Variants in FAM178B observed in about 807,000 individuals in gnomAD.
FAM178B encodes the protein protein FAM178B.
A neutral mutation model predicts 91.7 loss-of-function variants in FAM178B; 82 were observed. That is an observed-to-expected ratio of 0.89 (90% CI 0.75 to 1.07). The LOEUF (loss-of-function observed/expected upper bound fraction) is 1.07, where lower values mean the gene tolerates loss of function less well. Ranked by LOEUF, FAM178B falls within the 50% of genes least tolerant of loss-of-function variation. The pLI is 0.00. For synonymous variants in FAM178B, 368 were observed against 359.4 expected, an observed-to-expected ratio of 1.02 and a Z score of -0.27; for missense variants, 769 against 846.7, an observed-to-expected ratio of 0.91 and a Z score of 1.14.
At chr2:96,963,296 T>C (rs899421591) in intron 5 of FAM178B, among the ~76,000 whole-genome samples, 1 of 152,196 alleles carries the variant, frequency 6.6e-6, no homozygotes, top group Admixed American at 6.5e-5. Context: ...AGCTAGTGAG[T>C]GGAGAACCTG....
intron 1 of FAM178B, among the ~76,000 whole-genome samples, chr2:96,973,843 T>C (rs2082255329): frequency 6.6e-6 from 1 of 150,550 alleles, no homozygotes; most frequent in Non-Finnish European, 1.5e-5. Context: ...CTACTAAAAA[T>C]ACAAAAAAAA....
At chr2:96,974,468 A>G (rs1327823019) in intron 1 of FAM178B, among the ~76,000 whole-genome samples, 1 of 151,866 alleles carries the variant, frequency 6.6e-6, no homozygotes, top group East Asian at 1.9e-4. Context: ...GCATTAATGG[A>G]AGAAAAAGAA....
rs1009989936 is a variant in FAM178B at position 96,926,710 on chromosome 2, G to A, written c.1193+2496C>T. ...CAGGAGATCTGCATGGCCCAGCTGC[G>A]GAAGGACTGCATCTTTCTGAAAGGA... is the stretch of plus-strand genomic sequence containing the variant. On this transcript the variant is annotated intron_variant, in intron 9 of 16. Transcript: ENST00000490605. Among the ~76,000 whole-genome samples, 5 of 152,300 alleles carry A rather than the reference G, an allele frequency of 3.3e-5. No individual in the cohort carries two copies. In the East Asian group the frequency reaches 5.8e-4, roughly 18 times the overall value.
chr2:96,901,469 C>T (rs865974654), intron 13 of FAM178B, among the ~76,000 whole-genome samples: 12 of 152,272 alleles, frequency 7.9e-5, no homozygotes, highest in South Asian at 4.1e-4. Flanking sequence ...CCACCACGCC[C>T]GGCTCAGAAG....
At chr2:96,893,792 G>A in intron 14 of FAM178B, 134 bp downstream of exon 14, 1 of 1,108,758 alleles carries the variant, frequency 9.0e-7, no homozygotes, top group Admixed American at 2.9e-5. Context: ...GCAGCCTGTT[G>A]GTCTCTGCCC....
At chr2:96,911,955 A>G (rs559596887) in intron 12 of FAM178B, among the ~76,000 whole-genome samples, 3 of 152,248 alleles carry the variant, frequency 2.0e-5, no homozygotes, top group African/African-American at 7.2e-5. Context: ...GGCCACAGGT[A>G]TTCATTTGGG....
Position 96,972,600 on chromosome 2 carries a change from A to T in FAM178B, c.80T>A (p.Met27Lys). 1.3e-6 allele frequency: 2 copies of T among 1,551,510 alleles called. No homozygotes were observed. The highest frequency in any genetic ancestry group is 1.7e-6 in the Non-Finnish European group (2 of 1,146,980). Reference protein sequence around the residue: ...QDQRLHFTGQMSHGLQMAGPQ... With the variant: ...QDQRLHFTGQKSHGLQMAGPQ... ...CCCAGCCATCTGCAAGCCGTGGGAC[A>T]TCTGTCCTGGAAGGAAGCGCCTGTG... Residue 27 changes from methionine to lysine, a missense_variant, in exon 2 of 17, where the codon ATG becomes AAG. Met to Lys is a moderately conservative substitution (Grantham distance 95). Transcript: ENST00000490605.
chr2:96,884,464 C>T (rs1371835259), intron 14 of FAM178B, among the ~76,000 whole-genome samples: 2 of 152,146 alleles, frequency 1.3e-5, no homozygotes, highest in African/African-American at 4.8e-5. Flanking sequence ...GCAGGCTGGG[C>T]CCCCGGGGCA....
At position 96,972,082 on chromosome 2, in the gene FAM178B, T is replaced by C; in HGVS notation, c.383A>G (p.Glu128Gly). ...LNPRVLQASR[E>G]APAQRWVGVV... ...ACCCACCCACCTCTGGGCCGGGGCC[T>C]CCCGACTGGCCTGCAGCACCCTCGG... Residue 128 changes from glutamate (E) to glycine (G), a missense_variant, in exon 3 of 17, where the codon GAG (glutamate) becomes GGG (glycine). Glu to Gly is a moderately conservative substitution (Grantham distance 98). Transcript: ENST00000490605. 6.5e-7 allele frequency: 1 copy of C among 1,535,018 alleles called. No individual in the cohort carries two copies.
In FAM178B at chr2:96,943,061, G is replaced by A. The variant is rs57626298; in HGVS notation, c.1078+4757C>T. ...ATAAAACTCTTAGAAGAAACCATAGGTGAAAATTTTCATGACCTGAGATTA... is the reference window on the plus strand; with the variant it reads ...ATAAAACTCTTAGAAGAAACCATAGATGAAAATTTTCATGACCTGAGATTA... On this transcript the variant is annotated intron_variant, in intron 8 of 16. Coordinates refer to ENST00000490605, the MANE Select transcript of FAM178B (RefSeq NM_001122646.3). Among the ~76,000 whole-genome samples, 11 of 152,156 alleles carry A rather than the reference G, an allele frequency of 7.2e-5. 1 individual carries two copies. Among genetic ancestry groups the A allele is most frequent in the Admixed American group, 6.5e-4 (10 of 15,290 alleles).
chr2:96,977,609 T>C (rs901622570), intron 1 of FAM178B, among the ~76,000 whole-genome samples: 4 of 151,806 alleles, frequency 2.6e-5, no homozygotes, highest in Admixed American at 1.3e-4. Context: ...GCAAAGTCCA[T>C]AGGGATGGTA....
At chr2:96,929,372 T>C (rs6725927) in intron 8 of FAM178B, 52 bp from the exon 9 acceptor site, 1,012,525 of 1,326,876 alleles carry the variant, frequency 0.76, 397,798 homozygotes, top group African/African-American at 0.92. Context: ...GAGGGCAGGG[T>C]GCACCACTCC....
chr2:96,973,989 T>G (rs144732053), intron 1 of FAM178B, among the ~76,000 whole-genome samples: 1 of 148,682 alleles, frequency 6.7e-6, no homozygotes, highest in East Asian at 2.0e-4. Context: ...AGCAACAGAG[T>G]GAGACTCTGT....
At position 96,942,810 on chromosome 2, in the gene FAM178B, A is replaced by G. The variant is rs372110707; in HGVS notation, c.1078+5008T>C. On this transcript the variant is annotated intron_variant, in intron 8 of 16. Coordinates refer to ENST00000490605, the MANE Select transcript of FAM178B (RefSeq NM_001122646.3). The stretch of plus-strand genomic sequence containing the variant: ...AGCATAAGGGTAGACATATAAACCA[A>G]TGGAATAAAATTGAGAGTTCAAAAA... Among the ~76,000 whole-genome samples, 22 of 152,356 alleles carry G rather than the reference A, an allele frequency of 1.4e-4. No homozygotes were observed. The East Asian group carries it at 3.3e-3, about 23-fold the overall frequency.
At chr2:96,910,173 G>C (rs1355786387) in intron 12 of FAM178B, among the ~76,000 whole-genome samples, 3 of 152,054 alleles carry the variant, frequency 2.0e-5, no homozygotes, top group East Asian at 3.9e-4. Context: ...CCTTTTCTAC[G>C]TATGTGCTCC....
chr2:96,986,423 C>A lies in FAM178B; in HGVS notation c.-110G>T. 7.4e-7 allele frequency: 1 copy of A among 1,345,108 alleles called. No homozygotes were observed. The highest frequency in any genetic ancestry group is 2.6e-5 in the Admixed American group (1 of 38,720). The allele number at this position is 1,345,108 out of a possible 1,614,324, so 83.3% of individuals were successfully genotyped here. On this transcript the variant is annotated 5_prime_UTR_variant, in exon 1 of 17. Transcript: ENST00000490605. The stretch of plus-strand genomic sequence containing the variant: ...AGGAAGCAGGAGCAGGCTCCCCAGG[C>A]GGCGCAGTGGGAGGACCCCAAGAGT...
Position 96,905,816 on chromosome 2 carries a change from GTGTATATATATATATA to G in FAM178B, c.1563-3125_1563-3110del, listed in dbSNP as rs1395085152. 4.6e-4 allele frequency among the ~76,000 whole-genome samples: 17 copies of G among 36,750 alleles called. 1 individual carries two copies. Among genetic ancestry groups the G allele is most frequent in the East Asian group, 3.7e-3 (4 of 1,074 alleles). 24.1% of individuals were successfully genotyped at this position (36,750 alleles called of 152,430 possible). On this transcript the variant is annotated intron_variant, in intron 12 of 16. Transcript: ENST00000490605. ...TATACACAAAAATATACATATATGTGTGTATATATATATATATATATATATATATATATATATATAT... is the reference window on the plus strand; with the variant it reads ...TATACACAAAAATATACATATATGTGTATATATATATATATATATATATAT...
intron 14 of FAM178B, among the ~76,000 whole-genome samples, chr2:96,885,677 C>G (rs999481426): frequency 3.9e-5 from 6 of 152,174 alleles, no homozygotes; most frequent in African/African-American, 1.4e-4. Context: ...GGGCTCCCAC[C>G]CAGTCCACCT....
intron 8 of FAM178B, among the ~76,000 whole-genome samples, chr2:96,932,274 T>C (rs1417175740): frequency 2.0e-5 from 3 of 151,980 alleles, no homozygotes; most frequent in Non-Finnish European, 2.9e-5. Flanking sequence ...TCATCCCTTC[T>C]CCCCTCTCCT....
Sources: gnomAD v4.1 joint callset for allele counts (sites outside exome capture counted in the v4.1 genomes callset) on GRCh38, gnomAD v4.1.1 for gene constraint, MANE v1.5 for transcripts, NCBI Gene and HGNC (gene_info 2026-07-23, HGNC 2026-07-21) for gene names.